Variants in COL23A1 observed in about 807,000 individuals in gnomAD.
COL23A1 encodes collagen alpha-1(XXIII) chain.
In COL23A1, 97 loss-of-function variants were observed where a neutral mutation model predicts 99.3. The observed-to-expected ratio is 0.98, with a 90% CI of 0.83 to 1.16. The LOEUF is 1.16. Among genes scored for constraint, COL23A1 ranks in the 50% most tolerant of loss-of-function variants. The pLI is 0.00. For missense variants in COL23A1, 762 were observed against 757.4 expected (o/e 1.01, Z -0.07); for synonymous variants, 320 against 308.2 (o/e 1.04, Z -0.40).
chr5:178,455,258 C>G (rs1474657601), intron 2 of COL23A1, among the ~76,000 whole-genome samples: 1 of 152,220 alleles, frequency 6.6e-6, no homozygotes, highest in Admixed American at 6.5e-5. Flanking sequence ...AAAAGTCACG[C>G]ACGGGCCTGC....
chr5:178,326,414 T>TAAAAA (rs34380897), intron 2 of COL23A1, among the ~76,000 whole-genome samples: 4 of 148,478 alleles, frequency 2.7e-5, no homozygotes, highest in African/African-American at 7.5e-5. Context: ...AGAGAACATT[T>TAAAAA]AAAAAAAAAA....
chr5:178,400,723 T>C (rs1376942292), intron 2 of COL23A1, among the ~76,000 whole-genome samples: 3 of 151,838 alleles, frequency 2.0e-5, no homozygotes, highest in Non-Finnish European at 4.4e-5. Context: ...CTCCAACCTC[T>C]ACCTCATGTG....
At position 178,366,733 on chromosome 5, in the gene COL23A1, G is replaced by A. The variant is rs1005149926; in HGVS notation, c.362-59814C>T. On this transcript the variant is annotated intron_variant, in intron 2 of 28. Transcript: ENST00000390654. This position sits in a 1 kb window ranked among gnomAD's most constrained non-coding sequence, Gnocchi z 4.4. Reference sequence around the variant, plus strand: ...GCATCCCAAACCTCGCCGGAAGCACGTTCCTCCTCCGTGCCTGTGCTTCTG... The same window carrying A: ...GCATCCCAAACCTCGCCGGAAGCACATTCCTCCTCCGTGCCTGTGCTTCTG... 3.9e-5 allele frequency among the ~76,000 whole-genome samples: 6 copies of A among 152,136 alleles called. No homozygotes were observed. Among genetic ancestry groups the A allele is most frequent in the African/African-American group, 1.4e-4 (6 of 41,396 alleles).
intron 25 of COL23A1, among the ~76,000 whole-genome samples, chr5:178,245,139 CATCT>C (rs1240629690): frequency 4.6e-5 from 7 of 150,564 alleles, no homozygotes; most frequent in South Asian, 2.1e-4. Flanking sequence ...ATCCACTCAT[CATCT>C]ATCATCCATC....
chr5:178,339,513 C>T (rs2127659408), intron 2 of COL23A1, among the ~76,000 whole-genome samples: 1 of 152,332 alleles, frequency 6.6e-6, no homozygotes, highest in Non-Finnish European at 1.5e-5. Context: ...CAGCTGAAGC[C>T]ATGAGGGGAT....
intron 2 of COL23A1, among the ~76,000 whole-genome samples, chr5:178,457,361 C>G (rs889805081): frequency 2.6e-5 from 4 of 152,024 alleles, no homozygotes; most frequent in African/African-American, 9.7e-5. Context: ...CTACAAGTGC[C>G]CGCCACCACG....
chr5:178,260,513 G>A (rs1367393878), intron 11 of COL23A1, among the ~76,000 whole-genome samples: 1 of 152,204 alleles, frequency 6.6e-6, no homozygotes, highest in Non-Finnish European at 1.5e-5. Flanking sequence ...GATCAGTGGT[G>A]GCCGGGCACG....
chr5:178,383,843 G>T (rs1014966050), intron 2 of COL23A1, among the ~76,000 whole-genome samples: 2 of 150,700 alleles, frequency 1.3e-5, no homozygotes, highest in African/African-American at 4.9e-5. Context: ...GTGGCCTCAC[G>T]CTGGACATGG....
chr5:178,457,319 T>C (rs1767853898), intron 2 of COL23A1, among the ~76,000 whole-genome samples: 1 of 152,132 alleles, frequency 6.6e-6, no homozygotes, highest in Non-Finnish European at 1.5e-5. Flanking sequence ...GTTCAAGCAA[T>C]TCTCCTGCCT....
intron 1 of COL23A1, among the ~76,000 whole-genome samples, chr5:178,576,584 G>A (rs1327758204): frequency 6.6e-6 from 1 of 152,164 alleles, no homozygotes; most frequent in East Asian, 1.9e-4. Flanking sequence ...CCGCCCTCCA[G>A]GGTTCACCAT....
At chr5:178,492,617 C>T (rs865837016) in intron 2 of COL23A1, among the ~76,000 whole-genome samples, 3 of 151,582 alleles carry the variant, frequency 2.0e-5, no homozygotes, top group Non-Finnish European at 4.4e-5. Context: ...CATGCCACAA[C>T]GCAAATGCAC....
chr5:178,548,911 G>C (rs930433977), intron 2 of COL23A1, among the ~76,000 whole-genome samples: 4 of 152,170 alleles, frequency 2.6e-5, no homozygotes, highest in Non-Finnish European at 5.9e-5. Flanking sequence ...ATAGTAGTAT[G>C]TTCATACACT....
At chr5:178,297,330 G>A (rs1385813043) in intron 3 of COL23A1, among the ~76,000 whole-genome samples, 1 of 152,222 alleles carries the variant, frequency 6.6e-6, no homozygotes, top group Non-Finnish European at 1.5e-5. Flanking sequence ...AGACCAGCTT[G>A]GCCAACATGG....
chr5:178,425,604 G>A (rs1765885260), intron 2 of COL23A1, among the ~76,000 whole-genome samples: 1 of 151,966 alleles, frequency 6.6e-6, no homozygotes, highest in East Asian at 1.9e-4. Flanking sequence ...AGATATCAGT[G>A]GTGCAACCGG....
intron 2 of COL23A1, among the ~76,000 whole-genome samples, chr5:178,448,356 C>T (rs1346730854): frequency 6.0e-5 from 4 of 66,838 alleles, no homozygotes; most frequent in Admixed American, 1.6e-4. Flanking sequence ...AGTCGCAGTC[C>T]GTTTTGTTCT....
rs911547749 is a variant in COL23A1, at chr5:178,290,221, C to A, written c.414+141G>T. ...TGCTGGGATTCCAGGCGTGAGCCAC[C>A]GCACCTGGCCACTTTTTAATAGGAC... is the stretch of plus-strand genomic sequence containing the variant. On this transcript the variant is annotated intron_variant, in intron 4 of 28. Coordinates refer to ENST00000390654, the MANE Select transcript of COL23A1 (RefSeq NM_173465.4). 14 of 1,186,380 alleles carry A rather than the reference C, an allele frequency of 1.2e-5. No homozygotes were observed. The East Asian group carries it at 3.4e-4, about 28-fold the overall frequency. The allele number at this position is 1,186,380 out of a possible 1,614,324, so 73.5% of individuals were successfully genotyped here.
At chr5:178,484,821 CAAAAAAAA>C (rs397746374) in intron 2 of COL23A1, among the ~76,000 whole-genome samples, 1 of 90,436 alleles carries the variant, frequency 1.1e-5, no homozygotes, top group Non-Finnish European at 2.2e-5. Context: ...GACTCTGTCT[CAAAAAAAA>C]AAAAAAAAAA....
At chr5:178,551,078 TTG>T (rs1297447365) in intron 2 of COL23A1, among the ~76,000 whole-genome samples, 1 of 50,946 alleles carries the variant, frequency 2.0e-5, no homozygotes. Context: ...GTGGTTAACT[TTG>T]TGTGTCACTG....
At position 178,590,138 on chromosome 5, in the gene COL23A1, G is replaced by C; in HGVS notation, c.60C>G (p.Gly20=). ...TCGCCGAGCGCCCTCCGCCGCCGCC[G>C]CCCGCCGCATTGCCCTTCCCCGCGT... The part of the protein sequence containing the change: ...GGDAGKGNAA[G]GGGGGRSATT... Residue 20 remains glycine (G), a synonymous_variant, in exon 1 of 29, where the codon GGC becomes GGG. Transcript: ENST00000390654. This position sits in a 1 kb window ranked among gnomAD's most constrained non-coding sequence, Gnocchi z 5.7. The C allele has an allele frequency of 8.1e-7, 1 of 1,238,616 alleles. No individual in the cohort carries two copies. The highest frequency in any genetic ancestry group is 1.0e-6 in the Non-Finnish European group (1 of 995,060). 76.7% of individuals were successfully genotyped at this position (1,238,616 alleles called of 1,614,324 possible). A position where few individuals can be genotyped will look rare whatever the true frequency, so the allele number is the denominator to read the frequency against.
Sources: allele counts gnomAD v4.1 joint callset (sites outside exome capture counted in the v4.1 genomes callset), GRCh38; gene constraint gnomAD v4.1.1; non-coding constraint Gnocchi (gnomAD v3.1); transcripts MANE v1.5; gene names NCBI Gene and HGNC (gene_info 2026-07-23, HGNC 2026-07-21).